GYS1: variants seen among roughly 807,000 people sequenced by gnomAD.
GYS1 encodes glycogen synthase 1.
GYS1 carries 60 observed loss-of-function variants against 89.1 expected under a neutral mutation model. The observed-to-expected ratio is 0.67, with a 90% CI of 0.55 to 0.84. The LOEUF is 0.84. GYS1 is among the 40% of genes least tolerant of loss of function. The pLI is 0.00. For synonymous variants in GYS1, 366 were observed against 401.7 expected (o/e 0.91, Z 1.06); for missense variants, 888 against 1,003.1 (o/e 0.89, Z 1.55).
Position 48,974,718 on chromosome 19 carries a change from G to A in GYS1, c.1324C>T (p.Pro442Ser), listed in dbSNP as rs142951866. 36 of 1,612,822 alleles carry A rather than the reference G, an allele frequency of 2.2e-5. No homozygotes were observed. The highest frequency in any genetic ancestry group is 1.8e-4 in the Admixed American group (11 of 59,980). ...IFATQRQSFP[P>S]VCTHNMLDDS... Reference sequence around the variant, plus strand: ...TCCAGCATATTGTGGGTGCACACAGGGGGGAAAGACTGCCGCTGCAGGAGC... The same window carrying A: ...TCCAGCATATTGTGGGTGCACACAGAGGGGAAAGACTGCCGCTGCAGGAGC... The change falls in exon 11 of 16, where the codon CCT becomes TCT. Residue 442 changes from proline to serine, a missense_variant. By Grantham distance (74) the Pro-to-Ser change is moderately conservative. Coordinates refer to ENST00000323798, the MANE Select transcript of GYS1 (RefSeq NM_002103.5).
At position 48,969,213 on chromosome 19, in the gene GYS1, T is replaced by G; in HGVS notation, c.*75A>C. 4.5e-6 allele frequency: 6 copies of G among 1,339,650 alleles called. No homozygotes were observed. The highest frequency in any genetic ancestry group is 2.1e-5 in the Admixed American group (1 of 47,590). 83.0% of individuals were successfully genotyped at this position (1,339,650 alleles called of 1,614,324 possible). Reference sequence around the variant, plus strand: ...CCCAGTGCAGATCTGGAGCGGGGGTTTAGGAGCAGCACCCCTCTGCATCCT... The same window carrying G: ...CCCAGTGCAGATCTGGAGCGGGGGTGTAGGAGCAGCACCCCTCTGCATCCT... On this transcript the variant is annotated 3_prime_UTR_variant, in exon 16 of 16. Transcript: ENST00000323798.
intron 2 of GYS1, among the ~76,000 whole-genome samples, chr19:48,990,844 G>C (rs575414992): frequency 6.6e-6 from 1 of 152,174 alleles, no homozygotes; most frequent in Non-Finnish European, 1.5e-5. Context: ...GCCCAGGCTG[G>C]AGTGCAGTGG....
Position 48,987,247 on chromosome 19 carries a change from C to T in GYS1, c.439G>A (p.Glu147Lys), listed in dbSNP as rs777085370. 8 of 1,613,514 alleles carry T rather than the reference C, an allele frequency of 5.0e-6. No individual in the cohort carries two copies. The Admixed American group carries it at 6.7e-5, about 13-fold the overall frequency. ...CCAAAGAGGACAGCGTCGTTGGCCTCGCGGTCGTACCACGGCACTCCGATG... is the reference window on the plus strand; with the variant it reads ...CCAAAGAGGACAGCGTCGTTGGCCTTGCGGTCGTACCACGGCACTCCGATG... ...CNIGVPWYDR[E>K]ANDAVLFGFL... The change falls in exon 3 of 16, where the codon GAG (glutamate) becomes AAG (lysine). Residue 147 changes from glutamate (E) to lysine (K), a missense_variant. Transcript: ENST00000323798.
intron 5 of GYS1, 83 bp from the exon 6 acceptor site, chr19:48,982,920 C>T (rs961873381): frequency 2.8e-6 from 3 of 1,061,890 alleles, no homozygotes; most frequent in Non-Finnish European, 4.4e-6. Context: ...AAGAAAACAC[C>T]CTTTGCCTTT....
intron 14 of GYS1, 32 bp from the exon 15 acceptor site, chr19:48,969,887 G>GT: frequency 6.6e-7 from 1 of 1,509,168 alleles, no homozygotes; most frequent in Non-Finnish European, 9.2e-7. Flanking sequence ...GGCAGAGGAT[G>GT]TGAGAGCCAG....
Position 48,986,035 on chromosome 19 carries a change from A to G in GYS1, c.493T>C (p.Phe165Leu). Residue 165 changes from phenylalanine (F) to leucine (L), a missense_variant and splice_region_variant, in exon 4 of 16, where the codon TTC becomes CTC. Phe to Leu is a conservative substitution (Grantham distance 22, BLOSUM62 0). Coordinates refer to ENST00000323798, the MANE Select transcript of GYS1 (RefSeq NM_002103.5). ...GFLTTWFLGE[F>L]LAQSEEKPHV... ...GGCTTCTCCTCACTCTGTGCCAGGAACTGTGGGCAACAGGGACAGGGCCAC... is the reference window on the plus strand; with the variant it reads ...GGCTTCTCCTCACTCTGTGCCAGGAGCTGTGGGCAACAGGGACAGGGCCAC... 6.2e-7 allele frequency: 1 copy of G among 1,613,952 alleles called. No individual in the cohort carries two copies. The highest frequency in any genetic ancestry group is 8.5e-7 in the Non-Finnish European group (1 of 1,179,962).
chr19:48,973,877 G>T (rs1353550607), intron 12 of GYS1, among the ~76,000 whole-genome samples: 1 of 152,088 alleles, frequency 6.6e-6, no homozygotes, highest in East Asian at 1.9e-4. Flanking sequence ...GAGTTGATGG[G>T]CACTGGGAAC....
chr19:48,988,684 G>A (rs981579559), intron 2 of GYS1, among the ~76,000 whole-genome samples: 2 of 152,084 alleles, frequency 1.3e-5, no homozygotes, highest in African/African-American at 2.4e-5. Context: ...GTGCAATTAC[G>A]GTTCACTGAA....
rs755960337 is a variant in GYS1, at chr19:48,968,839, G to A, written c.*449C>T. 6 of 459,272 alleles carry A rather than the reference G, an allele frequency of 1.3e-5. No individual in the cohort carries two copies. The highest frequency in any genetic ancestry group is 6.2e-5 in the South Asian group (4 of 64,532). 28.4% of individuals were successfully genotyped at this position (459,272 alleles called of 1,614,324 possible). A position where few individuals can be genotyped will look rare whatever the true frequency, so the allele number is the denominator to read the frequency against. On this transcript the variant is annotated 3_prime_UTR_variant, in exon 16 of 16. Coordinates refer to ENST00000323798, the MANE Select transcript of GYS1 (RefSeq NM_002103.5). ...GGCTCTGGACTTGATCGCCCCATTC[G>A]CAGGGACACCACGTGGTTTCCAGAA... is the stretch of plus-strand genomic sequence containing the variant.
Position 48,985,409 on chromosome 19 carries a change from A to G in GYS1, c.823+52T>C, listed in dbSNP as rs556813688. The G allele has an allele frequency of 1.1e-5, 17 of 1,594,404 alleles. No homozygotes were observed. The African/African-American group carries it at 1.5e-4, about 14-fold the overall frequency. ...GGGCTGAGGAGCAACTGGCTTTGGC[A>G]TAGACAGCTGCCTACCTCATTCACG... On this transcript the variant is annotated intron_variant, in intron 5 of 15. Coordinates refer to ENST00000323798, the MANE Select transcript of GYS1 (RefSeq NM_002103.5).
intron 5 of GYS1, 135 bp from the exon 6 acceptor site, chr19:48,982,972 CT>C (rs1568622791): frequency 8.3e-6 from 6 of 719,056 alleles, no homozygotes; most frequent in South Asian, 7.8e-5. Flanking sequence ...GAGGTCCCCC[CT>C]CCCACCTTTT....
Position 48,982,290 on chromosome 19 carries a change from G to C in GYS1, c.1027C>G (p.Leu343Val), listed in dbSNP as rs762749952. Residue 343 changes from leucine to valine, a missense_variant, in exon 7 of 16, where the codon CTG (leucine) becomes GTG (valine). Coordinates refer to ENST00000323798, the MANE Select transcript of GYS1 (RefSeq NM_002103.5). ...EFSNKGADVF[L>V]EALARLNYLL... is the part of the protein sequence containing the mutation. ...TAGTTGAGCCGAGCCAATGCCTCCA[G>C]GAAGACGTCAGCACCCTTGTTGGAG... 1 of 1,613,806 alleles carries C rather than the reference G, an allele frequency of 6.2e-7. No individual in the cohort carries two copies. The highest frequency in any genetic ancestry group is 1.1e-5 in the South Asian group (1 of 91,066).
intron 1 of GYS1, among the ~76,000 whole-genome samples, chr19:48,992,606 C>T (rs1242371772): frequency 1.3e-5 from 2 of 152,118 alleles, no homozygotes; most frequent in African/African-American, 2.4e-5. Flanking sequence ...GAGTTTTATC[C>T]CCTAGACCAT....
At chr19:48,977,542 G>A (rs1461792551) in intron 10 of GYS1, among the ~76,000 whole-genome samples, 1 of 152,060 alleles carries the variant, frequency 6.6e-6, no homozygotes, top group South Asian at 2.1e-4. Flanking sequence ...GCAGTGAGCC[G>A]AGATCGTGCC....
rs528689536 is a variant in GYS1, at chr19:48,970,291, A to AT, written c.1809+254dup. On this transcript the variant is annotated intron_variant, in intron 14 of 15. Transcript: ENST00000323798. ...AGGCACGCACCATCACGCTCGGCTG[A>AT]TTTTTTTTTATTTTTAGTAAAAATA... 350 of 490,970 alleles carry AT rather than the reference A, an allele frequency of 7.1e-4. 2 individuals are homozygous for AT. Among genetic ancestry groups the AT allele is most frequent in the East Asian group, 4.3e-3 (112 of 26,080 alleles). The allele number at this position is 490,970 out of a possible 1,614,324, so 30.4% of individuals were successfully genotyped here. A position where few individuals can be genotyped will look rare whatever the true frequency, so the allele number is the denominator to read the frequency against.
At chr19:48,987,143 G>A (rs1315148074) in intron 3 of GYS1, 51 bp downstream of exon 3, 1 of 1,318,930 alleles carries the variant, frequency 7.6e-7, no homozygotes, top group Non-Finnish European at 1.1e-6. Context: ...CCCAGGGGCT[G>A]ATGGTCATTG....
intron 12 of GYS1, among the ~76,000 whole-genome samples, chr19:48,973,655 A>C (rs990444894): frequency 1.3e-5 from 2 of 151,996 alleles, no homozygotes; most frequent in Non-Finnish European, 2.9e-5. Flanking sequence ...AGTAGCTGAG[A>C]CTACAGGTGC....
chr19:48,983,841 AAG>A (rs2038801487), intron 5 of GYS1, among the ~76,000 whole-genome samples: 1 of 152,216 alleles, frequency 6.6e-6, no homozygotes, highest in South Asian at 2.1e-4. Context: ...ATTAATATGA[AAG>A]AAATTATACC....
rs778349716 is a variant in GYS1 at position 48,987,324 on chromosome 19, G to A, written c.362C>T (p.Ala121Val). Residue 121 changes from alanine (A) to valine (V), a missense_variant, in exon 3 of 16, where the codon GCC (alanine) becomes GTC (valine). By Grantham distance (64) the Ala-to-Val change is moderately conservative. Coordinates refer to ENST00000323798, the MANE Select transcript of GYS1 (RefSeq NM_002103.5). ...CCAGCGCTCCAGGGCCCAAGCTGAG[G>A]CACCCACGTCCAGGAGCACCACCAG... ...GPLVVLLDVG[A>V]SAWALERWKG... 11 of 1,612,252 alleles carry A rather than the reference G, an allele frequency of 6.8e-6. No homozygotes were observed. In the Admixed American group the frequency reaches 8.4e-5, roughly 12 times the overall value.
Sources: gnomAD v4.1 joint callset for allele counts (sites outside exome capture counted in the v4.1 genomes callset) on GRCh38, gnomAD v4.1.1 for gene constraint, MANE v1.5 for transcripts, NCBI Gene and HGNC (gene_info 2026-07-23, HGNC 2026-07-21) for gene names.